The following DCC variants were observed in gnomAD, a reference collection of about 807,000 sequenced individuals.
The protein encoded by DCC is DCC netrin 1 receptor, also known as netrin receptor DCC.
Under a neutral mutation model 172.5 loss-of-function variants are expected in DCC, and 58 were observed. The ratio of observed to expected loss-of-function variants is 0.34; its 90% CI spans 0.27 to 0.42. The LOEUF (loss-of-function observed/expected upper bound fraction) is 0.42, where lower values mean the gene tolerates loss of function less well. Among genes scored for constraint, DCC ranks in the 10% least tolerant of loss-of-function variants. The probability of loss-of-function intolerance (pLI) is 1.00; values close to 1 mark genes in which losing one functional copy is unlikely to be tolerated. For missense variants in DCC, 1,740 were observed against 1,791.0 expected, an observed-to-expected ratio of 0.97 and a Z score of 0.51; for synonymous variants, 709 against 644.5, an observed-to-expected ratio of 1.10 and a Z score of -1.52.
In DCC at chr18:52,636,038, G is replaced by T. The variant is rs76832791; in HGVS notation, c.92-116016G>T. ...CTGTGAGCGCCCCAACTGCGGAAGC[G>T]GGAAAAGGAGACCCTCCTCTCCTGA... is the stretch of plus-strand genomic sequence containing the variant. On this transcript the variant is annotated intron_variant, in intron 1 of 28. Transcript: ENST00000442544. Among the ~76,000 whole-genome samples the T allele has an allele frequency of 7.0e-3, 1,060 of 152,312 alleles. 16 individuals are homozygous for T. The highest frequency in any genetic ancestry group is 0.024 in the African/African-American group (1,002 of 41,572).
At chr18:52,795,917 T>C (rs2037866183) in intron 2 of DCC, among the ~76,000 whole-genome samples, 1 of 139,336 alleles carries the variant, frequency 7.2e-6, no homozygotes, top group Admixed American at 6.8e-5. Context: ...CTATTAAATA[T>C]TGTTCAATAA....
intron 1 of DCC, among the ~76,000 whole-genome samples, chr18:52,530,336 A>T (rs1333867520): frequency 3.3e-5 from 5 of 152,216 alleles, no homozygotes; most frequent in Non-Finnish European, 7.3e-5. Context: ...CAAGTTCATT[A>T]CAAGAAAAAC....
chr18:53,336,401 A>G (rs933429948), intron 14 of DCC, among the ~76,000 whole-genome samples: 2 of 152,202 alleles, frequency 1.3e-5, no homozygotes, highest in Non-Finnish European at 2.9e-5. Flanking sequence ...CTGCCTTTGT[A>G]TTAAGAAGTG....
rs770311628 is a variant in DCC, at chr18:53,459,290, C to A, written c.3451C>A (p.Pro1151Thr). Residue 1151 changes from proline to threonine, a missense_variant, in exon 24 of 29, where the codon CCT becomes ACT. Physicochemically the swap from Pro to Thr is conservative, Grantham distance 38. Around this residue, in one of 2 missense-constraint regions of DCC, gnomAD observed 1,732 missense variants for 1,767.4 expected, o/e 0.98. Transcript: ENST00000442544. Reference sequence around the variant, plus strand: ...GGGCAGCCAGAAGGACCTCCGACCCCCTGATCTTTGGATCCATCATGAAGA... The same window carrying A: ...GGGCAGCCAGAAGGACCTCCGACCCACTGATCTTTGGATCCATCATGAAGA... ...RKGSQKDLRPPDLWIHHEEME... is the reference protein window; with the variant it reads ...RKGSQKDLRPTDLWIHHEEME... The A allele has an allele frequency of 1.9e-6, 3 of 1,614,126 alleles. No individual in the cohort carries two copies. In the South Asian group the frequency reaches 3.3e-5, roughly 18 times the overall value.
chr18:52,916,279 C>A (rs376652891), intron 3 of DCC, among the ~76,000 whole-genome samples: 1 of 151,220 alleles, frequency 6.6e-6, no homozygotes, highest in Non-Finnish European at 1.5e-5. Context: ...ACTTGCTGTT[C>A]ACACTTGGAT....
chr18:52,863,081 C>T (rs2039169353), intron 2 of DCC, among the ~76,000 whole-genome samples: 1 of 151,924 alleles, frequency 6.6e-6, no homozygotes, highest in Non-Finnish European at 1.5e-5. Context: ...TCTTTCTTTC[C>T]CTTTTTATAT....
chr18:53,386,212 A>G (rs530455415), intron 16 of DCC, 74 bp downstream of exon 16: 55 of 961,438 alleles, frequency 5.7e-5, no homozygotes, highest in Non-Finnish European at 8.5e-5. Flanking sequence ...CTAAAATAAA[A>G]TACAAAGAAA....
chr18:52,554,805 A>T (rs2032868986), intron 1 of DCC, among the ~76,000 whole-genome samples: 1 of 152,072 alleles, frequency 6.6e-6, no homozygotes, highest in Non-Finnish European at 1.5e-5. Flanking sequence ...TAGTCCTCTC[A>T]TTTAAGAAAT....
intron 2 of DCC, among the ~76,000 whole-genome samples, chr18:52,752,915 T>C (rs1166524751): frequency 6.6e-6 from 1 of 152,168 alleles, no homozygotes; most frequent in Non-Finnish European, 1.5e-5. Context: ...ATCTATGTTA[T>C]CACAAATAAC....
chr18:53,223,594 A>T lies in DCC; in HGVS notation c.1911+7997A>T, dbSNP rs139903760. Among the ~76,000 whole-genome samples the T allele has an allele frequency of 3.9e-5, 6 of 152,256 alleles. No individual in the cohort carries two copies. The South Asian group carries it at 6.2e-4, about 16-fold the overall frequency. ...CTCTGATTTTAATTTAGTTCATGGA[A>T]GTTGCCCTTATAGTTGGAATGGTTG... On this transcript the variant is annotated intron_variant, in intron 12 of 28. Transcript: ENST00000442544.
intron 7 of DCC, among the ~76,000 whole-genome samples, chr18:53,141,504 A>G (rs1304664873): frequency 6.6e-6 from 1 of 152,226 alleles, no homozygotes; most frequent in Non-Finnish European, 1.5e-5. Context: ...ATTGCCGTAA[A>G]GGACACACTA....
At chr18:53,153,201 A>G (rs1201367919) in intron 7 of DCC, among the ~76,000 whole-genome samples, 1 of 152,242 alleles carries the variant, frequency 6.6e-6, no homozygotes, top group Non-Finnish European at 1.5e-5. Flanking sequence ...TCACCAAGTT[A>G]TAATTAATTA....
chr18:52,629,534 G>T (rs995041280), intron 1 of DCC, among the ~76,000 whole-genome samples: 17 of 152,164 alleles, frequency 1.1e-4, no homozygotes, highest in African/African-American at 4.1e-4. Flanking sequence ...GTAAGAGAGG[G>T]CCGAGCATGG....
chr18:53,074,810 T>C (rs2042703377), intron 7 of DCC, among the ~76,000 whole-genome samples: 1 of 152,162 alleles, frequency 6.6e-6, no homozygotes, highest in African/African-American at 2.4e-5. Context: ...AGTTTACTTG[T>C]AGAGATTTAA....
At chr18:52,643,253 C>T (rs2034947154) in intron 1 of DCC, among the ~76,000 whole-genome samples, 1 of 151,984 alleles carries the variant, frequency 6.6e-6, no homozygotes, top group South Asian at 2.1e-4. Flanking sequence ...GATTTTCTAC[C>T]TGCCACATTT....
chr18:53,136,945 T>A (rs1325366418), intron 7 of DCC, among the ~76,000 whole-genome samples: 2 of 152,188 alleles, frequency 1.3e-5, no homozygotes, highest in Non-Finnish European at 2.9e-5. Flanking sequence ...ATCCATGATA[T>A]ATATTGAATG....
At chr18:52,878,093 G>T (rs2039429205) in intron 2 of DCC, among the ~76,000 whole-genome samples, 1 of 151,802 alleles carries the variant, frequency 6.6e-6, no homozygotes, top group African/African-American at 2.4e-5. Context: ...CCCACTTTGG[G>T]GTTTCCTCCA....
chr18:52,666,620 T>A (rs2035462854), intron 1 of DCC, among the ~76,000 whole-genome samples: 1 of 152,238 alleles, frequency 6.6e-6, no homozygotes, highest in South Asian at 2.1e-4. Context: ...TATTTTTGTC[T>A]GTGCAGATAT....
At chr18:53,348,179 T>G (rs544724191) in intron 15 of DCC, among the ~76,000 whole-genome samples, 7 of 152,108 alleles carry the variant, frequency 4.6e-5, no homozygotes, top group Non-Finnish European at 7.4e-5. Context: ...CCAAGTTAAT[T>G]ATTTCCTAGA....
Sources: gnomAD v4.1 joint callset for allele counts (sites outside exome capture counted in the v4.1 genomes callset) on GRCh38, gnomAD v4.1.1 for gene constraint, gnomAD v4.1.1 regional missense constraint, MANE v1.5 for transcripts, NCBI Gene and HGNC (gene_info 2026-07-23, HGNC 2026-07-21) for gene names.